Variants in SEZ6 observed in about 807,000 individuals in gnomAD.
SEZ6 encodes seizure protein 6 homolog.
Under a neutral mutation model 101.0 loss-of-function variants are expected in SEZ6, and 53 were observed. That is an observed-to-expected ratio of 0.52 (90% CI 0.42 to 0.66). SEZ6 has a LOEUF of 0.66. Ranked by LOEUF, SEZ6 falls within the 30% of genes least tolerant of loss-of-function variation. The pLI, the probability that SEZ6 is intolerant of heterozygous loss-of-function variation, is 0.00. For missense variants in SEZ6, 1,102 were observed against 1,289.4 expected (o/e 0.85, Z 2.23); for synonymous variants, 488 against 512.2 (o/e 0.95, Z 0.64).
chr17:28,996,363 C>T (rs565795968), intron 1 of SEZ6, among the ~76,000 whole-genome samples: 2 of 152,260 alleles, frequency 1.3e-5, no homozygotes, highest in African/African-American at 4.8e-5. Context: ...TGGGCTATCC[C>T]AGGCACCTTT....
chr17:28,966,357 C>A (rs1484062145), intron 4 of SEZ6, among the ~76,000 whole-genome samples: 2 of 150,842 alleles, frequency 1.3e-5, no homozygotes, highest in African/African-American at 4.9e-5. Flanking sequence ...GTGGCACGCG[C>A]CTGTAGTCCC....
chr17:28,961,812 C>T (rs2040982744), intron 5 of SEZ6, among the ~76,000 whole-genome samples: 1 of 152,208 alleles, frequency 6.6e-6, no homozygotes, highest in Non-Finnish European at 1.5e-5. Context: ...GGACACATAG[C>T]TCTGACCTAC....
chr17:28,956,879 C>A, intron 13 of SEZ6, 122 bp from the exon 14 acceptor site: 1 of 1,388,178 alleles, frequency 7.2e-7, no homozygotes, highest in East Asian at 2.5e-5. Context: ...GCCACTCCAG[C>A]ATTTGTCTTG....
chr17:28,985,834 T>C (rs2041372329), intron 1 of SEZ6, among the ~76,000 whole-genome samples: 1 of 152,234 alleles, frequency 6.6e-6, no homozygotes. Flanking sequence ...AGGCCCTGCA[T>C]GTCGGTGGGG....
At chr17:28,986,151 T>C (rs1441406793) in intron 1 of SEZ6, among the ~76,000 whole-genome samples, 1 of 152,242 alleles carries the variant, frequency 6.6e-6, no homozygotes, top group Non-Finnish European at 1.5e-5. Flanking sequence ...GAGGGAGCCC[T>C]GTTTAAAGTA....
chr17:28,977,980 T>A (rs1484650691), intron 3 of SEZ6, among the ~76,000 whole-genome samples: 2 of 151,858 alleles, frequency 1.3e-5, no homozygotes, highest in African/African-American at 4.8e-5. Context: ...GAGGAAACAG[T>A]TGTAGGAAGA....
intron 3 of SEZ6, among the ~76,000 whole-genome samples, chr17:28,977,349 C>T (rs1241528143): frequency 2.6e-5 from 4 of 152,270 alleles, no homozygotes; most frequent in Non-Finnish European, 5.9e-5. Flanking sequence ...CGCCTCCCCT[C>T]CATGACTTCA....
At chr17:28,968,863 C>T (rs775457565) in intron 4 of SEZ6, among the ~76,000 whole-genome samples, 27 of 152,196 alleles carry the variant, frequency 1.8e-4, no homozygotes, top group Non-Finnish European at 2.6e-4. Flanking sequence ...TGCAAAGGAT[C>T]GAGCTGACTT....
At chr17:28,969,166 AT>A (rs553664686) in intron 4 of SEZ6, among the ~76,000 whole-genome samples, 2 of 151,958 alleles carry the variant, frequency 1.3e-5, no homozygotes, top group South Asian at 2.1e-4. Context: ...TGAGTCTGTG[AT>A]TTTTTTTCAT....
In SEZ6 at chr17:28,969,859, G is replaced by A. The variant is rs770001596; in HGVS notation, c.952C>T (p.Leu318=). 2 of 1,535,798 alleles carry A rather than the reference G, an allele frequency of 1.3e-6. No homozygotes were observed. Among genetic ancestry groups the A allele is most frequent in the East Asian group, 5.1e-5 (2 of 38,836 alleles). Residue 318 remains leucine, a synonymous_variant, in exon 4 of 17, where the codon CTG becomes TTG. Transcript: ENST00000317338. ...GGGCTGCGGATGACTTGGCCCCGCA[G>A]CAGGAAAGACTGGTTGGCCAGGGGC... ...PLPLANQSFL[L]RGQVIRSPTH... is the part of the protein sequence containing the mutation.
At chr17:28,975,862 A>C (rs2152687803) in intron 3 of SEZ6, among the ~76,000 whole-genome samples, 1 of 152,346 alleles carries the variant, frequency 6.6e-6, no homozygotes, top group South Asian at 2.1e-4. Flanking sequence ...TACAGAGAGC[A>C]GCCAAGCCAA....
chr17:29,005,978 G>A lies in SEZ6; in HGVS notation c.-109C>T. ...CGGGTCCGGCCGGGTAGAGGGAGCGGGGCCGCAGCCGTCACCGCCGCTGCC... is the reference window on the plus strand; with the variant it reads ...CGGGTCCGGCCGGGTAGAGGGAGCGAGGCCGCAGCCGTCACCGCCGCTGCC... On this transcript the variant is annotated 5_prime_UTR_variant, in exon 1 of 17. Transcript: ENST00000317338. The surrounding 1 kb of genome is among the most constrained non-coding windows in gnomAD (Gnocchi z 4.8). 1 of 978,302 alleles carries A rather than the reference G, an allele frequency of 1.0e-6. No homozygotes were observed. The highest frequency in any genetic ancestry group is 1.3e-6 in the Non-Finnish European group (1 of 759,548). The allele number at this position is 978,302 out of a possible 1,614,324, so 60.6% of individuals were successfully genotyped here. A position where few individuals can be genotyped will look rare whatever the true frequency, so the allele number is the denominator to read the frequency against.
chr17:28,958,143 TG>T lies in SEZ6; in HGVS notation c.2108-3del. The T allele has an allele frequency of 6.3e-7, 1 of 1,587,246 alleles. No individual in the cohort carries two copies. Among genetic ancestry groups the T allele is most frequent in the Non-Finnish European group, 8.6e-7 (1 of 1,159,898 alleles). On this transcript the variant is annotated splice_region_variant and splice_polypyrimidine_tract_variant and intron_variant, in intron 10 of 16. Transcript: ENST00000317338. The stretch of plus-strand genomic sequence containing the variant: ...GACATGTGTCATTGCGGGGCACCTC[TG>T]GGGGCACAGAGGCACAAGATGCAGG...
At position 28,957,547 on chromosome 17, in the gene SEZ6, TA is replaced by T. The variant is rs1267053432; in HGVS notation, c.2303-9del. On this transcript the variant is annotated splice_polypyrimidine_tract_variant and intron_variant, in intron 11 of 16. Transcript: ENST00000317338. ...GATCGTGGCAGGAAGTCACTATGGG[TA>T]GGGGGTGATGGGGAGAAGTAGCCCA... 1 of 1,606,796 alleles carries T rather than the reference TA, an allele frequency of 6.2e-7. No individual in the cohort carries two copies. The highest frequency in any genetic ancestry group is 1.7e-5 in the Admixed American group (1 of 58,832).
At chr17:28,956,579 G>T in intron 14 of SEZ6, 112 bp from the exon 15 acceptor site, 1 of 1,473,876 alleles carries the variant, frequency 6.8e-7, no homozygotes, top group Non-Finnish European at 9.2e-7. Context: ...CTGGCTGGGT[G>T]TAGGGAAGGA....
intron 5 of SEZ6, among the ~76,000 whole-genome samples, chr17:28,962,368 G>T (rs575612454): frequency 6.6e-6 from 1 of 152,270 alleles, no homozygotes; most frequent in African/African-American, 2.4e-5. Flanking sequence ...TCCTATTGTA[G>T]CATCCTCTGC....
At chr17:28,956,296 T>A in intron 15 of SEZ6, 35 bp from the exon 16 acceptor site, 1 of 1,588,382 alleles carries the variant, frequency 6.3e-7, no homozygotes, top group Non-Finnish European at 8.6e-7. Flanking sequence ...TCAGGAGCAC[T>A]GGGTAGGAGT....
At chr17:28,965,091 C>T (rs981779340) in intron 4 of SEZ6, among the ~76,000 whole-genome samples, 9 of 151,696 alleles carry the variant, frequency 5.9e-5, no homozygotes, top group Admixed American at 5.9e-4. Context: ...GTGGCTCATG[C>T]CTGTAATCCC....
Position 28,955,665 on chromosome 17 carries a change from G to A in SEZ6, c.*297C>T, listed in dbSNP as rs1262241899. 2 of 624,358 alleles carry A rather than the reference G, an allele frequency of 3.2e-6. No individual in the cohort carries two copies. Among genetic ancestry groups the A allele is most frequent in the Non-Finnish European group, 3.0e-6 (1 of 334,906 alleles). The allele number at this position is 624,358 out of a possible 1,614,324, so 38.7% of individuals were successfully genotyped here. A position where few individuals can be genotyped will look rare whatever the true frequency, so the allele number is the denominator to read the frequency against. ...TGTTCCAGGCTGGTCCAGGGCATGA[G>A]GAGGCTCAGGATGCTGGCTGTTGAT... is the stretch of plus-strand genomic sequence containing the variant. On this transcript the variant is annotated 3_prime_UTR_variant, in exon 17 of 17. Transcript: ENST00000317338.
Sources: gnomAD v4.1 joint callset for allele counts (sites outside exome capture counted in the v4.1 genomes callset) on GRCh38, gnomAD v4.1.1 for gene constraint, Gnocchi (gnomAD v3.1) non-coding constraint, MANE v1.5 for transcripts, NCBI Gene and HGNC (gene_info 2026-07-23, HGNC 2026-07-21) for gene names.